Variants in GMDS observed in about 807,000 individuals in gnomAD.
The protein encoded by GMDS is GDP-mannose 4,6 dehydratase.
GMDS carries 20 observed loss-of-function variants against 49.9 expected under a neutral mutation model. The ratio of observed to expected loss-of-function variants is 0.40; its 90% CI spans 0.28 to 0.58. The LOEUF (loss-of-function observed/expected upper bound fraction) is 0.58. Ranked by LOEUF, GMDS falls within the 20% of genes least tolerant of loss-of-function variation. GMDS has a pLI of 0.42. For synonymous variants in GMDS, 177 were observed against 178.6 expected, an observed-to-expected ratio of 0.99 and a Z score of 0.07; for missense variants, 362 against 481.4, an observed-to-expected ratio of 0.75 and a Z score of 2.32.
chr6:2,181,321 C>T lies in GMDS; in HGVS notation c.103-56590G>A, dbSNP rs766438565. Among the ~76,000 whole-genome samples, 7 of 152,098 alleles carry T rather than the reference C, an allele frequency of 4.6e-5. No individual in the cohort carries two copies. The East Asian group carries it at 7.7e-4, about 17-fold the overall frequency. On this transcript the variant is annotated intron_variant, in intron 1 of 10. Transcript: ENST00000380815. The stretch of plus-strand genomic sequence containing the variant: ...TCTCTCCTCAAAAAGTGTCTCTGCT[C>T]GACAGATGGCATCTGTATTCACCCA...
chr6:1,660,796 T>A (rs1581424930), intron 9 of GMDS, among the ~76,000 whole-genome samples: 1 of 146,780 alleles, frequency 6.8e-6, no homozygotes, highest in South Asian at 2.2e-4. Context: ...ACAGGAGATG[T>A]TGGCGGCAAA....
intron 7 of GMDS, among the ~76,000 whole-genome samples, chr6:1,826,389 G>C (rs1272616412): frequency 6.6e-6 from 1 of 152,154 alleles, no homozygotes; most frequent in Non-Finnish European, 1.5e-5. Flanking sequence ...TAAGTAGAGA[G>C]CATATGAGAT....
intron 6 of GMDS, among the ~76,000 whole-genome samples, chr6:1,946,460 G>T (rs1340247088): frequency 1.3e-5 from 2 of 152,174 alleles, no homozygotes; most frequent in African/African-American, 4.8e-5. Context: ...GAGTGACAGA[G>T]CATCTGGCAC....
At chr6:1,776,711 A>C (rs1361821415) in intron 7 of GMDS, among the ~76,000 whole-genome samples, 1 of 152,140 alleles carries the variant, frequency 6.6e-6, no homozygotes, top group Admixed American at 6.5e-5. Context: ...GCATCACTTG[A>C]GAGTGAAATA....
chr6:2,230,040 G>A (rs748865925), intron 1 of GMDS, among the ~76,000 whole-genome samples: 17 of 144,266 alleles, frequency 1.2e-4, no homozygotes, highest in African/African-American at 1.8e-4. Flanking sequence ...CCACAGTTGC[G>A]AGACTCCTCT....
intron 4 of GMDS, among the ~76,000 whole-genome samples, chr6:2,106,109 C>A (rs1461906226): frequency 1.3e-5 from 2 of 152,214 alleles, no homozygotes; most frequent in Non-Finnish European, 2.9e-5. Flanking sequence ...ACATACTCTG[C>A]CATTTTTCAA....
At chr6:2,215,500 C>G (rs1199265481) in intron 1 of GMDS, among the ~76,000 whole-genome samples, 1 of 151,492 alleles carries the variant, frequency 6.6e-6, no homozygotes, top group Non-Finnish European at 1.5e-5. Context: ...ACCCCCATGA[C>G]TCAGTGATCT....
chr6:1,780,304 A>G (rs1174488276), intron 7 of GMDS, among the ~76,000 whole-genome samples: 1 of 152,210 alleles, frequency 6.6e-6, no homozygotes, highest in Non-Finnish European at 1.5e-5. Flanking sequence ...AAATGATGAT[A>G]CTACCATGTA....
At chr6:1,890,224 G>A (rs1759807803) in intron 7 of GMDS, among the ~76,000 whole-genome samples, 1 of 151,874 alleles carries the variant, frequency 6.6e-6, no homozygotes, top group South Asian at 2.1e-4. Context: ...CCACGTCATC[G>A]CCAATACTTG....
chr6:2,038,601 C>T (rs1769450207), intron 4 of GMDS, among the ~76,000 whole-genome samples: 1 of 152,074 alleles, frequency 6.6e-6, no homozygotes, highest in African/African-American at 2.4e-5. Flanking sequence ...AACAGCTCTT[C>T]ATATAACTTT....
chr6:2,040,748 C>G (rs573407064), intron 4 of GMDS, among the ~76,000 whole-genome samples: 1 of 152,130 alleles, frequency 6.6e-6, no homozygotes, highest in African/African-American at 2.4e-5. Context: ...CCTTCTCCCC[C>G]GAAGCAGGTC....
intron 7 of GMDS, among the ~76,000 whole-genome samples, chr6:1,759,782 C>G (rs964349116): frequency 6.6e-6 from 1 of 152,162 alleles, no homozygotes; most frequent in African/African-American, 2.4e-5. Context: ...AGGTATGGCT[C>G]CTTTCTAAAA....
intron 7 of GMDS, among the ~76,000 whole-genome samples, chr6:1,800,758 A>G (rs1472331748): frequency 1.3e-5 from 2 of 151,884 alleles, no homozygotes; most frequent in African/African-American, 4.8e-5. Flanking sequence ...TCTTCAGAGC[A>G]CTGCACAGTT....
chr6:1,996,016 T>C (rs1766255029), intron 4 of GMDS, among the ~76,000 whole-genome samples: 1 of 152,184 alleles, frequency 6.6e-6, no homozygotes, highest in African/African-American at 2.4e-5. Flanking sequence ...CACTGCACAG[T>C]TCCCTGAGGG....
chr6:1,667,691 TG>T (rs1285530258), intron 9 of GMDS, among the ~76,000 whole-genome samples: 2 of 145,308 alleles, frequency 1.4e-5, no homozygotes, highest in African/African-American at 5.0e-5. Context: ...TGGGCACTTT[TG>T]TATTTTTTTT....
At position 1,836,198 on chromosome 6, in the gene GMDS, A is replaced by G. The variant is rs898000320; in HGVS notation, c.772-93612T>C. 2.0e-5 allele frequency among the ~76,000 whole-genome samples: 3 copies of G among 152,040 alleles called. No individual in the cohort carries two copies. Among genetic ancestry groups the G allele is most frequent in the Non-Finnish European group, 4.4e-5 (3 of 67,996 alleles). ...GCTTTATTTTTTAAGTACGTTTTTG[A>G]TTCACTAGTATCTTGTCATGCCTGA... On this transcript the variant is annotated intron_variant, in intron 7 of 10. Transcript: ENST00000380815. This position sits in a 1 kb window ranked among gnomAD's most constrained non-coding sequence, Gnocchi z 4.2.
chr6:1,957,986 T>C (rs1763733298), intron 6 of GMDS, among the ~76,000 whole-genome samples: 1 of 152,012 alleles, frequency 6.6e-6, no homozygotes, highest in Non-Finnish European at 1.5e-5. Context: ...TTTTATTTTT[T>C]TGAGAGACAG....
intron 4 of GMDS, among the ~76,000 whole-genome samples, chr6:2,087,043 C>T (rs1302765895): frequency 2.0e-5 from 3 of 152,122 alleles, no homozygotes; most frequent in African/African-American, 7.2e-5. Flanking sequence ...ATGACCACAG[C>T]TGTAATTTAT....
At chr6:1,881,620 G>A (rs971857492) in intron 7 of GMDS, among the ~76,000 whole-genome samples, 21 of 152,152 alleles carry the variant, frequency 1.4e-4, no homozygotes, top group African/African-American at 4.6e-4. Flanking sequence ...GCAGGTATAC[G>A]AGGCAAATCA....
Sources: allele counts gnomAD v4.1 joint callset (sites outside exome capture counted in the v4.1 genomes callset), GRCh38; gene constraint gnomAD v4.1.1; non-coding constraint Gnocchi (gnomAD v3.1); transcripts MANE v1.5; gene names NCBI Gene and HGNC (gene_info 2026-07-23, HGNC 2026-07-21).